Variants in PATJ observed in about 807,000 individuals in gnomAD.
The protein encoded by PATJ is PATJ crumbs cell polarity complex component, also known as inaD-like protein.
In PATJ, 190 loss-of-function variants were observed where a neutral mutation model predicts 224.9. That is an observed-to-expected ratio of 0.84 (90% confidence interval 0.75 to 0.95). PATJ has a LOEUF of 0.95. Among genes scored for constraint, PATJ ranks in the 40% least tolerant of loss-of-function variants. PATJ has a pLI of 0.00. For synonymous variants in PATJ, 769 were observed against 820.3 expected (o/e 0.94, Z 1.07); for missense variants, 2,121 against 2,270.3 (o/e 0.93, Z 1.34).
intron 27 of PATJ, among the ~76,000 whole-genome samples, chr1:61,954,881 G>A (rs773845673): frequency 1.3e-5 from 2 of 151,628 alleles, no homozygotes; most frequent in Non-Finnish European, 2.9e-5. Context: ...AGCCTTCTGA[G>A]TAGCTGGGAC....
At chr1:61,800,586 A>AT (rs1456678177) in intron 11 of PATJ, among the ~76,000 whole-genome samples, 3 of 151,862 alleles carry the variant, frequency 2.0e-5, no homozygotes, top group African/African-American at 7.3e-5. Flanking sequence ...CTTTTTTTAA[A>AT]TTTTTTTGTT....
At chr1:61,782,155 C>T (rs898265195) in intron 7 of PATJ, among the ~76,000 whole-genome samples, 3 of 152,222 alleles carry the variant, frequency 2.0e-5, no homozygotes, top group Non-Finnish European at 4.4e-5. Context: ...TCTAAGCTCC[C>T]AGGTGTTAGC....
intron 25 of PATJ, 103 bp downstream of exon 25, chr1:61,908,585 C>T: frequency 1.4e-6 from 1 of 706,740 alleles, no homozygotes; most frequent in Non-Finnish European, 2.4e-6. Context: ...ATTGTAGTTC[C>T]CAAACTATAT....
chr1:61,751,865 G>A (rs1483224165), intron 1 of PATJ, among the ~76,000 whole-genome samples: 1 of 151,784 alleles, frequency 6.6e-6, no homozygotes, highest in African/African-American at 2.4e-5. Context: ...AAGGCCGGGC[G>A]TGGTGGCTCA....
chr1:61,835,390 TTTTG>T (rs944420561), intron 17 of PATJ, among the ~76,000 whole-genome samples: 8 of 151,976 alleles, frequency 5.3e-5, no homozygotes, highest in Admixed American at 2.0e-4. Flanking sequence ...GGCCTGACCT[TTTTG>T]TTTGTTTGTT....
Position 61,823,889 on chromosome 1 carries a change from G to A in PATJ, c.1818+810G>A, listed in dbSNP as rs1286814. 8.1e-3 allele frequency among the ~76,000 whole-genome samples: 1,226 copies of A among 152,284 alleles called. 19 individuals carry two copies. Among genetic ancestry groups the A allele is most frequent in the African/African-American group, 0.029 (1,188 of 41,570 alleles). On this transcript the variant is annotated intron_variant, in intron 15 of 43. Transcript: ENST00000642238. ...ATTCTGGTTGAATTTCAATTTCAGA[G>A]GGAAAAGTGCTATGACTAGTTATCA... is the stretch of plus-strand genomic sequence containing the variant.
chr1:62,062,392 C>CTTTTTTTTTTTT (rs60747316), intron 31 of PATJ, among the ~76,000 whole-genome samples: 587 of 28,488 alleles, frequency 0.021, 23 homozygotes, highest in East Asian at 0.025. Context: ...ATGTTGTCTT[C>CTTTTTTTTTTTT]TTTTTTTTTT....
chr1:61,788,089 G>GA, intron 8 of PATJ, 117 bp downstream of exon 8: 2 of 591,548 alleles, frequency 3.4e-6, no homozygotes, highest in Non-Finnish European at 5.0e-6. Flanking sequence ...GCTCACTAGT[G>GA]AAACAGGAAA....
chr1:62,116,937 A>T (rs778280752), intron 36 of PATJ, among the ~76,000 whole-genome samples, 195 bp from the exon 37 acceptor site: 1 of 152,190 alleles, frequency 6.6e-6, no homozygotes, highest in African/African-American at 2.4e-5. Flanking sequence ...CTAAGTATCC[A>T]TCACTGTTCT....
chr1:61,801,669 A>G lies in PATJ; in HGVS notation c.1449A>G (p.Gly483=). The G allele has an allele frequency of 6.2e-7, 1 of 1,602,104 alleles. No individual in the cohort carries two copies. The highest frequency in any genetic ancestry group is 1.7e-5 in the Admixed American group (1 of 59,738). ...PLKPPALFLT[G]AVETETNVDG... ...AACCACCAGCTCTCTTTCTAACTGGAGCAGTGGAAACTGAAACTAATGTGG... is the reference window on the plus strand; with the variant it reads ...AACCACCAGCTCTCTTTCTAACTGGGGCAGTGGAAACTGAAACTAATGTGG... The change falls in exon 12 of 44, where the codon GGA becomes GGG. Residue 483 remains glycine, a synonymous_variant. Coordinates refer to ENST00000642238, the MANE Select transcript of PATJ (RefSeq NM_001350145.3).
chr1:61,945,487 A>AT (rs1168151743), intron 27 of PATJ, among the ~76,000 whole-genome samples: 2 of 152,196 alleles, frequency 1.3e-5, no homozygotes, highest in African/African-American at 4.8e-5. Context: ...AAAGAAGGCC[A>AT]TTACATAATG....
intron 41 of PATJ, among the ~76,000 whole-genome samples, chr1:62,145,906 C>A (rs1445043661): frequency 6.7e-6 from 1 of 148,600 alleles, no homozygotes; most frequent in Non-Finnish European, 1.5e-5. Flanking sequence ...TGCAGTGAGC[C>A]GAGATCGTGC....
At chr1:62,153,623 C>T in intron 43 of PATJ, 142 bp downstream of exon 43, 1 of 464,568 alleles carries the variant, frequency 2.2e-6, no homozygotes, top group Non-Finnish European at 3.4e-6. Context: ...ATAGGAAATT[C>T]TCACACAGGA....
Position 62,161,200 on chromosome 1 carries a change from G to T in PATJ, c.*146G>T. On this transcript the variant is annotated 3_prime_UTR_variant, in exon 44 of 44. Coordinates refer to ENST00000642238, the MANE Select transcript of PATJ (RefSeq NM_001350145.3). ...TCTCTGCTCAGGAGAAATGGCTGAG[G>T]TTTCATGTGAATTTCCCAAATCAAC... 3.8e-6 allele frequency: 2 copies of T among 529,316 alleles called. No individual in the cohort carries two copies. Among genetic ancestry groups the T allele is most frequent in the Non-Finnish European group, 5.9e-6 (2 of 338,694 alleles). The allele number at this position is 529,316 out of a possible 1,614,324, so 32.8% of individuals were successfully genotyped here.
Position 62,128,079 on chromosome 1 carries a change from G to A in PATJ, c.5151G>A (p.Arg1717=). The change falls in exon 40 of 44, where the codon CGG becomes CGA. Residue 1717 remains arginine, a synonymous_variant. Transcript: ENST00000642238. The part of the protein sequence containing the change: ...AMIQASGVAA[R]TQKLKVGDRI... The stretch of plus-strand genomic sequence containing the variant: ...TTCAGGCTAGCGGAGTGGCCGCACG[G>A]ACACAGAAGCTTAAAGTAAACGAGA... The A allele has an allele frequency of 1.2e-6, 2 of 1,614,150 alleles. No homozygotes were observed. The highest frequency in any genetic ancestry group is 1.7e-5 in the Admixed American group (1 of 60,022).
chr1:61,972,862 C>A (rs931339018), intron 27 of PATJ, among the ~76,000 whole-genome samples: 2 of 140,950 alleles, frequency 1.4e-5, no homozygotes, highest in Non-Finnish European at 3.1e-5. Context: ...TTTTTGACTT[C>A]ACCATGTACC....
chr1:62,092,381 TAAAA>T (rs760187721), intron 33 of PATJ, among the ~76,000 whole-genome samples: 7 of 145,534 alleles, frequency 4.8e-5, no homozygotes, highest in African/African-American at 1.5e-4. Context: ...CCTTGCCTGT[TAAAA>T]AAAAAAAATG....
chr1:61,901,114 T>C (rs1671095060), intron 23 of PATJ, among the ~76,000 whole-genome samples, 168 bp from the exon 24 acceptor site: 1 of 152,248 alleles, frequency 6.6e-6, no homozygotes, highest in African/African-American at 2.4e-5. Context: ...TTATGAATTA[T>C]TGATAACATA....
chr1:62,115,817 T>G (rs892609376), intron 35 of PATJ, among the ~76,000 whole-genome samples: 1 of 151,834 alleles, frequency 6.6e-6, no homozygotes, highest in Non-Finnish European at 1.5e-5. Flanking sequence ...ATAAAAATAT[T>G]AGCTACAATT....
Sources: allele counts gnomAD v4.1 joint callset (sites outside exome capture counted in the v4.1 genomes callset), GRCh38; gene constraint gnomAD v4.1.1; transcripts MANE v1.5; gene names NCBI Gene and HGNC (gene_info 2026-07-23, HGNC 2026-07-21).